CPB1: variants seen among roughly 807,000 people sequenced by gnomAD.
CPB1 encodes carboxypeptidase B1, also known as carboxypeptidase B.
In CPB1, 53 loss-of-function variants were observed where a neutral mutation model predicts 51.4. That is an observed-to-expected ratio of 1.03 (90% CI 0.83 to 1.30). The LOEUF (loss-of-function observed/expected upper bound fraction) is 1.30, where lower values mean the gene tolerates loss of function less well. CPB1 is among the 50% of genes most tolerant of loss of function. CPB1 has a pLI of 0.00. For missense variants in CPB1, 494 were observed against 516.2 expected, an observed-to-expected ratio of 0.96 and a Z score of 0.42; for synonymous variants, 189 against 186.9, an observed-to-expected ratio of 1.01 and a Z score of -0.09.
chr3:148,845,733 AT>A, intron 9 of CPB1, 107 bp downstream of exon 9: 11 of 859,992 alleles, frequency 1.3e-5, no homozygotes, highest in Admixed American at 2.9e-5. Context: ...CCCTTTATTG[AT>A]TTTTTTGGTA....
intron 3 of CPB1, among the ~76,000 whole-genome samples, chr3:148,839,563 A>G (rs1257972975): frequency 1.3e-5 from 2 of 152,172 alleles, no homozygotes; most frequent in East Asian, 3.8e-4. Context: ...GAAAGTGTTT[A>G]TCTTTTGCTA....
chr3:148,839,239 G>A (rs763494915), intron 3 of CPB1, among the ~76,000 whole-genome samples: 2 of 152,122 alleles, frequency 1.3e-5, no homozygotes, highest in Admixed American at 6.5e-5. Flanking sequence ...GAATGCAGGC[G>A]ACCTCTCAGA....
chr3:148,858,308 C>T (rs892091352), intron 10 of CPB1, among the ~76,000 whole-genome samples: 1 of 152,084 alleles, frequency 6.6e-6, no homozygotes, highest in Non-Finnish European at 1.5e-5. Context: ...TGCAGTGGCT[C>T]ATGCCTATAA....
rs756479926 is a variant in CPB1, at chr3:148,834,578, T to A, written c.228T>A (p.Thr76=). 15 of 1,613,066 alleles carry A rather than the reference T, an allele frequency of 9.3e-6. No individual in the cohort carries two copies. The highest frequency in any genetic ancestry group is 9.3e-6 in the Non-Finnish European group (11 of 1,179,160). ...ACTTCCGTGTTAAAGCAGAAGATACTGTCACTGTGGAGAATGTTCTAAAGC... is the reference window on the plus strand; with the variant it reads ...ACTTCCGTGTTAAAGCAGAAGATACAGTCACTGTGGAGAATGTTCTAAAGC... ...TVDFRVKAED[T]VTVENVLKQN... Residue 76 remains threonine, a synonymous_variant, in exon 3 of 11, where the codon ACT becomes ACA. Transcript: ENST00000282957.
intron 9 of CPB1, chr3:148,857,062 G>GTTTTT (rs35574359): frequency 1.1e-3 from 53 of 47,972 alleles, no homozygotes; most frequent in East Asian, 1.6e-3. Flanking sequence ...ATTGCCAAGT[G>GTTTTT]TTTTTTTTTT....
intron 3 of CPB1, among the ~76,000 whole-genome samples, chr3:148,835,617 A>G (rs954372564): frequency 6.6e-6 from 1 of 152,182 alleles, no homozygotes; most frequent in African/African-American, 2.4e-5. Flanking sequence ...AGGAGGAAAT[A>G]AAGTCTCTAG....
At chr3:148,839,005 A>G (rs968529584) in intron 3 of CPB1, among the ~76,000 whole-genome samples, 9 of 111,590 alleles carry the variant, frequency 8.1e-5, no homozygotes, top group African/African-American at 3.5e-4. Context: ...GAACATGTGA[A>G]TATGTCATGT....
intron 3 of CPB1, among the ~76,000 whole-genome samples, chr3:148,837,096 CAGAT>C (rs1256772246): frequency 2.0e-5 from 3 of 152,144 alleles, no homozygotes; most frequent in African/African-American, 7.2e-5. Flanking sequence ...GACTAGGAAT[CAGAT>C]AGTGTAAATC....
At chr3:148,841,753 G>A (rs1158341865) in intron 5 of CPB1, 70 bp from the exon 6 acceptor site, 3 of 1,198,922 alleles carry the variant, frequency 2.5e-6, no homozygotes, top group African/African-American at 1.5e-5. Flanking sequence ...AGCCCAGATG[G>A]GTAGTGGAGG....
intron 2 of CPB1, among the ~76,000 whole-genome samples, chr3:148,832,846 G>T (rs1559956174): frequency 6.6e-6 from 1 of 152,138 alleles, no homozygotes; most frequent in African/African-American, 2.4e-5. Context: ...ACACTAAAAG[G>T]TCCCAGCAAT....
chr3:148,833,312 C>T (rs543059842), intron 2 of CPB1, among the ~76,000 whole-genome samples: 13 of 152,244 alleles, frequency 8.5e-5, no homozygotes, highest in African/African-American at 2.4e-4. Flanking sequence ...CCTGACATTC[C>T]TTATGGGCCT....
Position 148,845,523 on chromosome 3 carries a change from A to C in CPB1, c.878A>C (p.Lys293Thr). 1 of 1,613,910 alleles carries C rather than the reference A, an allele frequency of 6.2e-7. No homozygotes were observed. Among genetic ancestry groups the C allele is most frequent in the Admixed American group, 1.7e-5 (1 of 60,006 alleles). ...GCCCTGGCTGATTTCATCCGCAACA[A>C]ACTCTCTTCCATCAAGGCATATCTG... ...TKALADFIRN[K>T]LSSIKAYLTI... Residue 293 changes from lysine to threonine, a missense_variant, in exon 9 of 11, where the codon AAA (lysine) becomes ACA (threonine). Coordinates refer to ENST00000282957, the MANE Select transcript of CPB1 (RefSeq NM_001871.3).
At chr3:148,838,846 T>C (rs1712987797) in intron 3 of CPB1, among the ~76,000 whole-genome samples, 1 of 152,204 alleles carries the variant, frequency 6.6e-6, no homozygotes, top group East Asian at 1.9e-4. Context: ...ACTATGACCT[T>C]GATCTTTTGA....
rs762454832 is a variant in CPB1, at chr3:148,859,896, G to A, written c.1148G>A (p.Gly383Asp). 6.2e-7 allele frequency: 1 copy of A among 1,614,086 alleles called. No homozygotes were observed. Among genetic ancestry groups the A allele is most frequent in the Non-Finnish European group, 8.5e-7 (1 of 1,179,996 alleles). The change falls in exon 11 of 11, where the codon GGC becomes GAC. Residue 383 changes from glycine (G) to aspartate (D), a missense_variant. Transcript: ENST00000282957. ...TTCACCTTTGAACTTCGAGATACAGGCAGATATGGCTTTCTCCTTCCAGAA... is the reference window on the plus strand; with the variant it reads ...TTCACCTTTGAACTTCGAGATACAGACAGATATGGCTTTCTCCTTCCAGAA... ...YSFTFELRDT[G>D]RYGFLLPESQ...
chr3:148,832,134 T>C (rs1279320179), intron 2 of CPB1, among the ~76,000 whole-genome samples: 13 of 152,192 alleles, frequency 8.5e-5, no homozygotes, highest in Admixed American at 8.5e-4. Context: ...CAAACATATT[T>C]ATGAGATTTA....
At chr3:148,857,846 C>A (rs1713629357) in intron 10 of CPB1, among the ~76,000 whole-genome samples, 3 of 152,048 alleles carry the variant, frequency 2.0e-5, no homozygotes, top group African/African-American at 4.8e-5. Context: ...TTACAGTGAG[C>A]TATAATTGCA....
At chr3:148,847,192 C>T (rs542019116) in intron 9 of CPB1, among the ~76,000 whole-genome samples, 2 of 151,420 alleles carry the variant, frequency 1.3e-5, no homozygotes, top group East Asian at 3.9e-4. Flanking sequence ...AAGACTAACA[C>T]TAAAGAATAA....
chr3:148,839,575 G>A (rs907878110), intron 3 of CPB1, among the ~76,000 whole-genome samples: 10 of 152,034 alleles, frequency 6.6e-5, no homozygotes, highest in Admixed American at 3.9e-4. Context: ...CTTTTGCTAG[G>A]AAACAGATTC....
intron 2 of CPB1, 107 bp from the exon 3 acceptor site, chr3:148,834,391 T>A: frequency 3.7e-6 from 4 of 1,079,380 alleles, no homozygotes; most frequent in Non-Finnish European, 5.6e-6. Context: ...ATTTCATGGA[T>A]GATTTGATTT....
Sources: allele counts gnomAD v4.1 joint callset (sites outside exome capture counted in the v4.1 genomes callset), GRCh38; gene constraint gnomAD v4.1.1; transcripts MANE v1.5; gene names NCBI Gene and HGNC (gene_info 2026-07-23, HGNC 2026-07-21).